Variants in ICA1L observed in about 807,000 individuals in gnomAD.
ICA1L encodes the protein islet cell autoantigen 1 like.
Under a neutral mutation model 61.3 loss-of-function variants are expected in ICA1L, and 50 were observed. That is an observed-to-expected ratio of 0.82 (90% CI 0.65 to 1.03). The LOEUF (loss-of-function observed/expected upper bound fraction) is 1.03. ICA1L is among the 50% of genes least tolerant of loss of function. ICA1L has a pLI of 0.00. For synonymous variants in ICA1L, 161 were observed against 191.3 expected (o/e 0.84, Z 1.31); for missense variants, 508 against 556.7 (o/e 0.91, Z 0.88).
At chr2:202,802,106 T>C (rs1288698164) in intron 9 of ICA1L, among the ~76,000 whole-genome samples, 1 of 152,186 alleles carries the variant, frequency 6.6e-6, no homozygotes, top group Non-Finnish European at 1.5e-5. Flanking sequence ...AACAAGGGAC[T>C]ATAAAAATTA....
At chr2:202,863,039 C>T (rs902536188) in intron 1 of ICA1L, among the ~76,000 whole-genome samples, 1 of 152,002 alleles carries the variant, frequency 6.6e-6, no homozygotes, top group Non-Finnish European at 1.5e-5. Flanking sequence ...CGCCTGTAAT[C>T]CCAACACTTT....
chr2:202,774,282 G>C lies in ICA1L; in HGVS notation c.*5251C>G. 1 of 1,533,100 alleles carries C rather than the reference G, an allele frequency of 6.5e-7. No individual in the cohort carries two copies. The highest frequency in any genetic ancestry group is 1.2e-5 in the South Asian group (1 of 82,654). 95.0% of individuals were successfully genotyped at this position (1,533,100 alleles called of 1,614,324 possible). Reference sequence around the variant, plus strand: ...AAAGGCCGTGACCCCGACGCGTGCAGGCACCTACGGGCGACCGCGGACGGC... The same window carrying C: ...AAAGGCCGTGACCCCGACGCGTGCACGCACCTACGGGCGACCGCGGACGGC... On this transcript the variant is annotated 3_prime_UTR_variant, in exon 13 of 13. Transcript: ENST00000358299.
intron 8 of ICA1L, among the ~76,000 whole-genome samples, chr2:202,813,217 G>A (rs976353113): frequency 1.3e-5 from 2 of 149,984 alleles, no homozygotes; most frequent in African/African-American, 4.9e-5. Flanking sequence ...CTGAGATTGT[G>A]CCACTGCACT....
rs1692289246 is a variant in ICA1L, at chr2:202,778,305, A to ATG, written c.*1226_*1227dup. The ATG allele has an allele frequency of 6.6e-6, 1 of 152,196 alleles. No homozygotes were observed. The highest frequency in any genetic ancestry group is 6.5e-5 in the Admixed American group (1 of 15,282). The allele number at this position is 152,196 out of a possible 1,614,324, so 9.4% of individuals were successfully genotyped here. On this transcript the variant is annotated 3_prime_UTR_variant, in exon 13 of 13. Coordinates refer to ENST00000358299, the MANE Select transcript of ICA1L (RefSeq NM_001288622.3). ...AAAAGGACAGGAAATTGAGTGATTG[A>ATG]TGTGTGTGTACGGTAGCTACGTTTT...
intron 5 of ICA1L, 82 bp from the exon 6 acceptor site, chr2:202,817,625 G>T: frequency 1.6e-6 from 1 of 612,544 alleles, no homozygotes; most frequent in Non-Finnish European, 2.4e-6. Context: ...TAGTATACAG[G>T]TTCATAATAA....
At chr2:202,784,156 A>C (rs925585019) in intron 12 of ICA1L, among the ~76,000 whole-genome samples, 1 of 152,216 alleles carries the variant, frequency 6.6e-6, no homozygotes, top group African/African-American at 2.4e-5. Flanking sequence ...AAACCACTGA[A>C]AACATAGGAA....
At chr2:202,859,772 T>C (rs7605484) in intron 1 of ICA1L, among the ~76,000 whole-genome samples, 1 of 152,264 alleles carries the variant, frequency 6.6e-6, no homozygotes, top group East Asian at 1.9e-4. Flanking sequence ...AAGTTCCTGA[T>C]AATCTTAGTA....
chr2:202,812,169 C>A (rs1051186017), intron 8 of ICA1L, among the ~76,000 whole-genome samples: 46 of 152,294 alleles, frequency 3.0e-4, no homozygotes, highest in African/African-American at 1.1e-3. Context: ...AGATGGAGTA[C>A]CCTATTTTGA....
chr2:202,795,412 A>T (rs982905565), intron 10 of ICA1L, among the ~76,000 whole-genome samples: 1 of 152,204 alleles, frequency 6.6e-6, no homozygotes, highest in Non-Finnish European at 1.5e-5. Context: ...CCTGAACAAC[A>T]TCGAGAAACT....
At chr2:202,845,107 T>C (rs767688275) in intron 1 of ICA1L, among the ~76,000 whole-genome samples, 18 of 152,334 alleles carry the variant, frequency 1.2e-4, no homozygotes, top group Admixed American at 1.0e-3. Flanking sequence ...TGTGATTATA[T>C]TGGACACACC....
rs1692126846 is a variant in ICA1L at position 202,773,741 on chromosome 2, A to G, written c.*5792T>C. The G allele has an allele frequency of 7.8e-7, 1 of 1,285,166 alleles. No homozygotes were observed. 79.6% of individuals were successfully genotyped at this position (1,285,166 alleles called of 1,614,324 possible). A position where few individuals can be genotyped will look rare whatever the true frequency, so the allele number is the denominator to read the frequency against. On this transcript the variant is annotated 3_prime_UTR_variant, in exon 13 of 13. Transcript: ENST00000358299. ...TGCATCAGTTATGCATGAAGAGTTTAATAACCATCCAGGTCCAAAGGTGGA... is the reference window on the plus strand; with the variant it reads ...TGCATCAGTTATGCATGAAGAGTTTGATAACCATCCAGGTCCAAAGGTGGA...
At chr2:202,824,798 C>T (rs1259516933) in intron 3 of ICA1L, among the ~76,000 whole-genome samples, 1 of 152,130 alleles carries the variant, frequency 6.6e-6, no homozygotes. Context: ...TTAACCTGAA[C>T]AAGTCCAGGA....
chr2:202,866,293 C>T (rs1401633622), intron 1 of ICA1L, among the ~76,000 whole-genome samples: 1 of 152,114 alleles, frequency 6.6e-6, no homozygotes, highest in Non-Finnish European at 1.5e-5. Context: ...AGTTCGGCCC[C>T]CTTCCCTCTC....
In ICA1L at chr2:202,776,066, C is replaced by T. The variant is rs914379162; in HGVS notation, c.*3467G>A. The T allele has an allele frequency of 1.3e-5, 2 of 152,204 alleles. No homozygotes were observed. The highest frequency in any genetic ancestry group is 2.9e-5 in the Non-Finnish European group (2 of 68,034). The allele number at this position is 152,204 out of a possible 1,614,324, so 9.4% of individuals were successfully genotyped here. On this transcript the variant is annotated 3_prime_UTR_variant, in exon 13 of 13. Coordinates refer to ENST00000358299, the MANE Select transcript of ICA1L (RefSeq NM_001288622.3). ...TCGTTCTAATGCTGTAAGACCTCTA[C>T]ATTTCTAGATGGTCTATACAGATAC...
intron 12 of ICA1L, among the ~76,000 whole-genome samples, chr2:202,781,352 C>G (rs183505603): frequency 6.6e-6 from 1 of 152,022 alleles, no homozygotes; most frequent in Admixed American, 6.5e-5. Flanking sequence ...GTGTGCAGAT[C>G]ACCTGAGGTC....
At position 202,840,601 on chromosome 2, in the gene ICA1L, C is replaced by A. The variant is rs139887386; in HGVS notation, c.-7-11585G>T. The A allele has an allele frequency of 3.2e-4, 184 of 571,332 alleles. 4 individuals are homozygous for A. The East Asian group carries it at 7.7e-3, about 24-fold the overall frequency. 35.4% of individuals were successfully genotyped at this position (571,332 alleles called of 1,614,324 possible). A position where few individuals can be genotyped will look rare whatever the true frequency, so the allele number is the denominator to read the frequency against. ...CCAACTGGCTCTCCTCGCCCTCCAGCAGCTTCCTGTAGATGGTGATCTTGA... is the reference window on the plus strand; with the variant it reads ...CCAACTGGCTCTCCTCGCCCTCCAGAAGCTTCCTGTAGATGGTGATCTTGA... On this transcript the variant is annotated intron_variant, in intron 1 of 12. Coordinates refer to ENST00000358299, the MANE Select transcript of ICA1L (RefSeq NM_001288622.3).
At chr2:202,867,940 A>G (rs930054135) in intron 1 of ICA1L, among the ~76,000 whole-genome samples, 2 of 152,208 alleles carry the variant, frequency 1.3e-5, no homozygotes, top group Non-Finnish European at 2.9e-5. Context: ...AAAAATTAGA[A>G]TATCTATTAA....
intron 1 of ICA1L, among the ~76,000 whole-genome samples, chr2:202,833,413 T>G (rs905176776): frequency 1.3e-5 from 2 of 151,852 alleles, no homozygotes; most frequent in African/African-American, 2.4e-5. Flanking sequence ...AGACTCCATA[T>G]CTACAAAAAA....
chr2:202,785,944 G>T lies in ICA1L; in HGVS notation c.1307C>A (p.Ser436Ter). The change falls in exon 12 of 13, where the codon TCA (serine) becomes TAA (stop). Residue 436 changes from serine to a stop codon, truncating the protein, a stop_gained. Transcript: ENST00000358299. LOFTEE classifies it high-confidence loss of function. ...LSHTDNQPVPSQSPKKLTRSP... is the reference protein window; with the variant it reads ...LSHTDNQPVP ...TCTTGTTAATTTCTTTGGACTCTGT[G>T]AAGGCACTGGCTGGTTATCAGTGTG... The T allele has an allele frequency of 6.2e-7, 1 of 1,602,908 alleles. No homozygotes were observed. Among genetic ancestry groups the T allele is most frequent in the Non-Finnish European group, 8.5e-7 (1 of 1,170,892 alleles).
Sources: allele counts gnomAD v4.1 joint callset (sites outside exome capture counted in the v4.1 genomes callset), GRCh38; gene constraint gnomAD v4.1.1; transcripts MANE v1.5; gene names NCBI Gene and HGNC (gene_info 2026-07-23, HGNC 2026-07-21).